ILRUN: variants seen among roughly 807,000 people sequenced by gnomAD.
The protein encoded by ILRUN is inflammation and lipid regulator with UBA-like and NBR1-like domains, also known as protein ILRUN.
ILRUN carries 3 observed loss-of-function variants against 33.8 expected under a neutral mutation model. The observed-to-expected ratio is 0.09, with a 90% CI of 0.04 to 0.23. ILRUN has a LOEUF of 0.23. Among genes scored for constraint, ILRUN ranks in the 10% least tolerant of loss-of-function variants. ILRUN has a pLI of 1.00. For missense variants in ILRUN, 210 were observed against 375.1 expected (o/e 0.56, Z 3.64); for synonymous variants, 124 against 138.9 (o/e 0.89, Z 0.75).
intron 3 of ILRUN, among the ~76,000 whole-genome samples, chr6:34,640,055 G>GA (rs557200797): frequency 4.0e-5 from 6 of 151,356 alleles, no homozygotes; most frequent in African/African-American, 1.5e-4. Context: ...CAAAATCGAG[G>GA]AAAAAAAAGA....
At chr6:34,649,050 G>C (rs763021979) in intron 2 of ILRUN, among the ~76,000 whole-genome samples, 12 of 152,120 alleles carry the variant, frequency 7.9e-5, no homozygotes, top group Non-Finnish European at 1.5e-4. Flanking sequence ...ACTGGCATTT[G>C]GCTAGGGTCC....
chr6:34,678,603 T>C (rs1285283470), intron 1 of ILRUN, among the ~76,000 whole-genome samples: 1 of 151,380 alleles, frequency 6.6e-6, no homozygotes, highest in East Asian at 1.9e-4. Context: ...ATCCCAGCAC[T>C]TTGGGAGGCC....
intron 2 of ILRUN, among the ~76,000 whole-genome samples, chr6:34,651,619 A>G (rs1762670215): frequency 6.6e-6 from 1 of 152,034 alleles, no homozygotes; most frequent in Non-Finnish European, 1.5e-5. Context: ...AGCTCACAGA[A>G]AGCCAGGCCA....
Position 34,588,075 on chromosome 6 carries a change from T to G in ILRUN, c.*2490A>C. ...AGGCATTGCTCTGAACCCATACCAGTGAGGGGAGAGAGAATGAATGATACT... is the reference window on the plus strand; with the variant it reads ...AGGCATTGCTCTGAACCCATACCAGGGAGGGGAGAGAGAATGAATGATACT... On this transcript the variant is annotated 3_prime_UTR_variant, in exon 5 of 5. Transcript: ENST00000374023. The G allele has an allele frequency of 2.5e-6, 1 of 398,568 alleles. No individual in the cohort carries two copies. Among genetic ancestry groups the G allele is most frequent in the Non-Finnish European group, 4.4e-6 (1 of 226,096 alleles). The allele number at this position is 398,568 out of a possible 1,614,324, so 24.7% of individuals were successfully genotyped here.
intron 3 of ILRUN, among the ~76,000 whole-genome samples, chr6:34,611,333 C>T (rs1277752188): frequency 6.6e-6 from 1 of 152,076 alleles, no homozygotes. Context: ...CAGCTCTGTA[C>T]ATAGATTCTA....
Position 34,602,844 on chromosome 6 carries a change from G to A in ILRUN, c.861+3711C>T, listed in dbSNP as rs938718170. On this transcript the variant is annotated intron_variant, in intron 4 of 4. Transcript: ENST00000374023. ...GCGTTGTGGGATGCAGCTAGGGCAG[G>A]CGTTCCCCCCAGGGACGGAGCACTG... Among the ~76,000 whole-genome samples the A allele has an allele frequency of 2.0e-5, 3 of 152,206 alleles. No individual in the cohort carries two copies. The East Asian group carries it at 5.8e-4, about 29-fold the overall frequency.
intron 3 of ILRUN, among the ~76,000 whole-genome samples, chr6:34,623,848 G>GT (rs1293474570): frequency 1.3e-5 from 2 of 151,928 alleles, no homozygotes; most frequent in African/African-American, 2.4e-5. Context: ...TTTTCTTTTT[G>GT]TTTTTTTGAG....
intron 3 of ILRUN, among the ~76,000 whole-genome samples, chr6:34,633,687 CAAAAAAT>C (rs1452486408): frequency 6.6e-6 from 1 of 150,680 alleles, no homozygotes; most frequent in Non-Finnish European, 1.5e-5. Context: ...CCTGTCTCTA[CAAAAAAT>C]AAAAAGTAAA....
chr6:34,638,386 C>A (rs1159807150), intron 3 of ILRUN, among the ~76,000 whole-genome samples: 1 of 152,120 alleles, frequency 6.6e-6, no homozygotes, highest in Non-Finnish European at 1.5e-5. Context: ...ATTTTCCATA[C>A]AAGTCACAGC....
intron 4 of ILRUN, among the ~76,000 whole-genome samples, chr6:34,593,070 T>C (rs1761328134): frequency 6.6e-6 from 1 of 151,934 alleles, no homozygotes; most frequent in South Asian, 2.1e-4. Flanking sequence ...TCCCAGATAC[T>C]CAGGAGGCTG....
intron 4 of ILRUN, 71 bp downstream of exon 4, chr6:34,606,484 G>A: frequency 7.9e-7 from 1 of 1,265,680 alleles, no homozygotes. Flanking sequence ...AGGATTCTAG[G>A]TTTGCCATGA....
intron 4 of ILRUN, chr6:34,595,759 A>G (rs1407815983): frequency 3.0e-6 from 3 of 985,270 alleles, no homozygotes; most frequent in Non-Finnish European, 2.4e-6. Context: ...TTAAATAAAT[A>G]AGAAGGTTCA....
chr6:34,629,094 ACT>A (rs1762197072), intron 3 of ILRUN, among the ~76,000 whole-genome samples: 3 of 152,152 alleles, frequency 2.0e-5, no homozygotes, highest in Non-Finnish European at 4.4e-5. Flanking sequence ...ACAGAGCAAG[ACT>A]CTGTTTCAAA....
At chr6:34,687,422 G>A (rs1042811240) in intron 1 of ILRUN, among the ~76,000 whole-genome samples, 5 of 152,184 alleles carry the variant, frequency 3.3e-5, no homozygotes, top group East Asian at 3.9e-4. Context: ...TTGGCTGGGC[G>A]TGGTGGCTCA....
intron 3 of ILRUN, chr6:34,617,028 A>T: frequency 1.9e-6 from 1 of 534,448 alleles, no homozygotes; most frequent in Non-Finnish European, 3.7e-6. Flanking sequence ...CTGACAGACA[A>T]CACTTTGATT....
In ILRUN at chr6:34,683,493, TATATAC is replaced by T. The variant is rs1562033205; in HGVS notation, c.158+12947_158+12952del. Among the ~76,000 whole-genome samples the T allele has an allele frequency of 4.0e-3, 373 of 92,928 alleles. 13 individuals carry two copies. The highest frequency in any genetic ancestry group is 0.022 in the African/African-American group (349 of 16,024). 61.0% of individuals were successfully genotyped at this position (92,928 alleles called of 152,430 possible). ...ATATACACATATATATATACATATA[TATATAC>T]ATATATATATATATACATATATATA... On this transcript the variant is annotated intron_variant, in intron 1 of 4. Transcript: ENST00000374023.
rs187731747 is a variant in ILRUN, at chr6:34,634,985, G to C, written c.511+11616C>G. Among the ~76,000 whole-genome samples, 366 of 152,268 alleles carry C rather than the reference G, an allele frequency of 2.4e-3. 1 individual carries two copies. The highest frequency in any genetic ancestry group is 8.4e-3 in the African/African-American group (350 of 41,546). On this transcript the variant is annotated intron_variant, in intron 3 of 4. Transcript: ENST00000374023. ...CTATTGAGTACTTGGGATGTAGCTA[G>C]AGTCACATGTTGAAAAAATATTTTG... is the stretch of plus-strand genomic sequence containing the variant.
At chr6:34,637,903 T>TTGA (rs1554185684) in intron 3 of ILRUN, among the ~76,000 whole-genome samples, 1 of 150,058 alleles carries the variant, frequency 6.7e-6, no homozygotes, top group African/African-American at 2.4e-5. Flanking sequence ...GTTGTTGTTG[T>TTGA]TGAAACTGGG....
intron 4 of ILRUN, among the ~76,000 whole-genome samples, chr6:34,602,870 A>G (rs916023833): frequency 4.6e-5 from 7 of 152,174 alleles, no homozygotes; most frequent in African/African-American, 1.7e-4. Flanking sequence ...CGGAGCACTG[A>G]GTTCAGGGAG....
Sources: gnomAD v4.1 joint callset for allele counts (sites outside exome capture counted in the v4.1 genomes callset) on GRCh38, gnomAD v4.1.1 for gene constraint, MANE v1.5 for transcripts, NCBI Gene and HGNC (gene_info 2026-07-23, HGNC 2026-07-21) for gene names.